Variants in FSTL5 observed in about 807,000 individuals in gnomAD.
FSTL5 encodes follistatin like 5, also known as follistatin-related protein 5.
FSTL5 carries 62 observed loss-of-function variants against 89.1 expected under a neutral mutation model. That is an observed-to-expected ratio of 0.70 (90% CI 0.57 to 0.86). FSTL5 has a LOEUF of 0.86. Ranked by LOEUF, FSTL5 falls within the 40% of genes least tolerant of loss-of-function variation. The pLI is 0.00. For synonymous variants in FSTL5, 383 were observed against 346.2 expected, an observed-to-expected ratio of 1.11 and a Z score of -1.18; for missense variants, 1,057 against 1,001.6, an observed-to-expected ratio of 1.06 and a Z score of -0.75.
At chr4:161,994,977 T>C (rs1022430866) in intron 3 of FSTL5, among the ~76,000 whole-genome samples, 1 of 152,142 alleles carries the variant, frequency 6.6e-6, no homozygotes, top group Non-Finnish European at 1.5e-5. Context: ...CATCCAGGAT[T>C]GTATTGCCTA....
At position 161,726,911 on chromosome 4, in the gene FSTL5, AAATAT is replaced by A. The variant is rs1331273057; in HGVS notation, c.727+32495_727+32499del. ...AGATATCCCAAAGAGCAAAAAAAAA[AAATAT>A]ATATATATATATATGTATATGTAAT... On this transcript the variant is annotated intron_variant, in intron 6 of 15. Transcript: ENST00000306100. Among the ~76,000 whole-genome samples the A allele has an allele frequency of 1.1e-3, 45 of 40,310 alleles. 1 individual carries two copies. In the Admixed American group the frequency reaches 0.016, roughly 14 times the overall value. The allele number at this position is 40,310 out of a possible 152,430, so 26.4% of individuals were successfully genotyped here. A position where few individuals can be genotyped will look rare whatever the true frequency, so the allele number is the denominator to read the frequency against.
chr4:161,517,269 G>T (rs1295010392), intron 10 of FSTL5, among the ~76,000 whole-genome samples: 1 of 152,016 alleles, frequency 6.6e-6, no homozygotes, highest in Non-Finnish European at 1.5e-5. Flanking sequence ...TTCACACATG[G>T]AGCCCTGTGA....
At chr4:161,698,865 G>T (rs917592471) in intron 6 of FSTL5, among the ~76,000 whole-genome samples, 2 of 152,232 alleles carry the variant, frequency 1.3e-5, no homozygotes, top group African/African-American at 4.8e-5. Flanking sequence ...CAGGAGAATT[G>T]CTTGAACCCG....
chr4:162,062,509 T>C (rs1578996498), intron 2 of FSTL5, among the ~76,000 whole-genome samples: 1 of 151,886 alleles, frequency 6.6e-6, no homozygotes, highest in Admixed American at 6.6e-5. Context: ...ACCCTTTACT[T>C]ATCTTCCCTC....
At chr4:161,942,520 C>T (rs1734616290) in intron 3 of FSTL5, among the ~76,000 whole-genome samples, 1 of 151,800 alleles carries the variant, frequency 6.6e-6, no homozygotes, top group Admixed American at 6.6e-5. Flanking sequence ...AATCAAAGAC[C>T]TCCCAATCAA....
intron 6 of FSTL5, among the ~76,000 whole-genome samples, chr4:161,726,912 AAT>A (rs1310686523): frequency 1.1e-3 from 57 of 49,728 alleles, no homozygotes; most frequent in South Asian, 1.5e-3. Flanking sequence ...AAAAAAAAAA[AAT>A]ATATATATAT....
chr4:161,842,642 A>C (rs1048733143), intron 4 of FSTL5, among the ~76,000 whole-genome samples: 1 of 152,080 alleles, frequency 6.6e-6, no homozygotes, highest in African/African-American at 2.4e-5. Flanking sequence ...TTCTCTATCA[A>C]AATGTCATCC....
At chr4:161,757,366 G>GCACACA (rs151056476) in intron 6 of FSTL5, among the ~76,000 whole-genome samples, 2 of 147,970 alleles carry the variant, frequency 1.4e-5, no homozygotes, top group Non-Finnish European at 3.0e-5. Flanking sequence ...ACCGACATAT[G>GCACACA]CACACACACA....
At chr4:161,428,702 C>A (rs1732248034) in intron 15 of FSTL5, among the ~76,000 whole-genome samples, 1 of 151,998 alleles carries the variant, frequency 6.6e-6, no homozygotes, top group African/African-American at 2.4e-5. Context: ...GCCATTGAGT[C>A]CTGAATAAGG....
intron 4 of FSTL5, among the ~76,000 whole-genome samples, chr4:161,901,691 T>C (rs1188332246): frequency 6.6e-6 from 1 of 152,146 alleles, no homozygotes; most frequent in Non-Finnish European, 1.5e-5. Flanking sequence ...CCTAGCACTT[T>C]GGGAAGCCGA....
At chr4:161,526,670 G>C (rs560493270) in intron 10 of FSTL5, among the ~76,000 whole-genome samples, 1 of 152,174 alleles carries the variant, frequency 6.6e-6, no homozygotes, top group Non-Finnish European at 1.5e-5. Flanking sequence ...CATATGGCTA[G>C]CCAGTTTTCC....
At chr4:161,526,772 T>G (rs1190197546) in intron 10 of FSTL5, among the ~76,000 whole-genome samples, 2 of 152,168 alleles carry the variant, frequency 1.3e-5, no homozygotes, top group African/African-American at 4.8e-5. Context: ...TGCGGTGTTA[T>G]TTCTGAGGGC....
chr4:161,784,175 A>G (rs1341227922), intron 4 of FSTL5, among the ~76,000 whole-genome samples: 2 of 151,570 alleles, frequency 1.3e-5, no homozygotes, highest in Non-Finnish European at 2.9e-5. Flanking sequence ...GCCTCAAGTG[A>G]TCCTCCCCAC....
chr4:162,162,516 A>G (rs953034561), intron 1 of FSTL5, among the ~76,000 whole-genome samples: 3 of 152,120 alleles, frequency 2.0e-5, no homozygotes, highest in Non-Finnish European at 4.4e-5. Context: ...CATAAATGAG[A>G]GACCACAATT....
chr4:161,946,531 G>A (rs1045294306), intron 3 of FSTL5, among the ~76,000 whole-genome samples: 7 of 152,084 alleles, frequency 4.6e-5, no homozygotes, highest in African/African-American at 1.7e-4. Context: ...TTTTGTGCCT[G>A]TCACCTTTCA....
intron 2 of FSTL5, among the ~76,000 whole-genome samples, chr4:162,044,694 A>C (rs1738106109): frequency 6.6e-6 from 1 of 152,198 alleles, no homozygotes; most frequent in African/African-American, 2.4e-5. Flanking sequence ...TGTTCAGTGT[A>C]GCCACCTTCA....
intron 7 of FSTL5, among the ~76,000 whole-genome samples, chr4:161,597,211 G>A (rs994916922): frequency 3.3e-5 from 5 of 152,052 alleles, no homozygotes; most frequent in African/African-American, 1.2e-4. Flanking sequence ...CTTTGTATAA[G>A]GTGTAATGAA....
At chr4:162,103,339 G>T (rs1335299450) in intron 2 of FSTL5, among the ~76,000 whole-genome samples, 1 of 152,158 alleles carries the variant, frequency 6.6e-6, no homozygotes, top group African/African-American at 2.4e-5. Flanking sequence ...GTAGAATGAA[G>T]CTATAAACAA....
At chr4:161,831,206 C>A (rs772521261) in intron 4 of FSTL5, among the ~76,000 whole-genome samples, 1 of 151,818 alleles carries the variant, frequency 6.6e-6, no homozygotes, top group African/African-American at 2.4e-5. Context: ...TTTATAACAT[C>A]ATGTTGTATA....
Sources: gnomAD v4.1 joint callset for allele counts (sites outside exome capture counted in the v4.1 genomes callset) on GRCh38, gnomAD v4.1.1 for gene constraint, MANE v1.5 for transcripts, NCBI Gene and HGNC (gene_info 2026-07-23, HGNC 2026-07-21) for gene names.